Variants in NAALADL2 observed in about 807,000 individuals in gnomAD.
NAALADL2 encodes the protein N-acetylated alpha-linked acidic dipeptidase like 2, also known as inactive N-acetylated-alpha-linked acidic dipeptidase-like protein 2.
NAALADL2 carries 76 observed loss-of-function variants against 87.2 expected under a neutral mutation model. That is an observed-to-expected ratio of 0.87 (90% CI 0.72 to 1.05). The LOEUF (loss-of-function observed/expected upper bound fraction) is 1.05. Ranked by LOEUF, NAALADL2 falls within the 50% of genes least tolerant of loss-of-function variation. The probability of loss-of-function intolerance (pLI) is 0.00; values close to 1 mark genes in which losing one functional copy is unlikely to be tolerated. For synonymous variants in NAALADL2, 354 were observed against 331.0 expected (o/e 1.07, Z -0.75); for missense variants, 1,089 against 945.8 (o/e 1.15, Z -1.99).
At chr3:175,243,712 G>T (rs1338257167) in intron 3 of NAALADL2, among the ~76,000 whole-genome samples, 4 of 151,854 alleles carry the variant, frequency 2.6e-5, no homozygotes, top group Non-Finnish European at 4.4e-5. Flanking sequence ...AGTGTGCTCA[G>T]TGCCCACTTC....
At chr3:175,500,189 A>G (rs1426442410) in intron 9 of NAALADL2, among the ~76,000 whole-genome samples, 1 of 152,102 alleles carries the variant, frequency 6.6e-6, no homozygotes, top group Non-Finnish European at 1.5e-5. Context: ...GCATACATAC[A>G]TAACTCTAAT....
intron 5 of NAALADL2, among the ~76,000 whole-genome samples, chr3:175,352,768 A>C (rs965043486): frequency 6.6e-6 from 1 of 152,170 alleles, no homozygotes; most frequent in East Asian, 1.9e-4. Context: ...TTTAAAAGAA[A>C]ATAATGTTTT....
chr3:175,627,310 A>C lies in NAALADL2; in HGVS notation c.1820A>C (p.Glu607Ala). Residue 607 changes from glutamate to alanine, a missense_variant, in exon 11 of 14, where the codon GAG becomes GCG. Glu to Ala is a moderately radical substitution (Grantham distance 107, BLOSUM62 -1). Transcript: ENST00000454872. ...KTLEGPSFLSEARFSTRATKI... is the reference protein window; with the variant it reads ...KTLEGPSFLSAARFSTRATKI... ...CCGCAGGGTCCAAGTTTTCTCTCCG[A>C]GGCCCGTTTTTCTACACGAGCAACA... 1 of 1,568,432 alleles carries C rather than the reference A, an allele frequency of 6.4e-7. No homozygotes were observed. Among genetic ancestry groups the C allele is most frequent in the Non-Finnish European group, 8.7e-7 (1 of 1,154,202 alleles).
chr3:175,208,563 C>T (rs926173832), intron 2 of NAALADL2, among the ~76,000 whole-genome samples: 2 of 152,062 alleles, frequency 1.3e-5, no homozygotes, highest in African/African-American at 4.8e-5. Flanking sequence ...AACTCTGTTA[C>T]GAAGTGGATT....
At chr3:174,685,340 A>G (rs1310107912) in intron 2 of NAALADL2, among the ~76,000 whole-genome samples, 4 of 152,098 alleles carry the variant, frequency 2.6e-5, no homozygotes, top group Non-Finnish European at 5.9e-5. Context: ...CCCACAATCT[A>G]CAAGCAATCT....
intron 3 of NAALADL2, among the ~76,000 whole-genome samples, chr3:174,802,224 A>C (rs1718930692): frequency 6.6e-6 from 1 of 152,144 alleles, no homozygotes; most frequent in Non-Finnish European, 1.5e-5. Context: ...CAATGTAAAC[A>C]AAACCAGCAT....
chr3:175,311,306 A>G (rs150505015), intron 4 of NAALADL2, among the ~76,000 whole-genome samples: 42 of 152,094 alleles, frequency 2.8e-4, no homozygotes, highest in South Asian at 1.2e-3. Context: ...TATGAATTTA[A>G]AAAAGAAATC....
intron 1 of NAALADL2, among the ~76,000 whole-genome samples, chr3:175,032,739 C>T (rs1187718689): frequency 1.3e-5 from 2 of 152,004 alleles, no homozygotes; most frequent in African/African-American, 4.8e-5. Flanking sequence ...CAACTATTCT[C>T]TAATTCCATA....
At chr3:175,526,552 G>A (rs1733437712) in intron 9 of NAALADL2, among the ~76,000 whole-genome samples, 1 of 151,472 alleles carries the variant, frequency 6.6e-6, no homozygotes, top group South Asian at 2.1e-4. Flanking sequence ...GTCAAAGTGT[G>A]TTTACGTATT....
At chr3:174,508,081 G>A (rs979460247) in intron 1 of NAALADL2, among the ~76,000 whole-genome samples, 12 of 132,622 alleles carry the variant, frequency 9.0e-5, no homozygotes, top group Non-Finnish European at 1.8e-4. Context: ...AGTATGGCCA[G>A]TTTTTTAAAT....
chr3:174,719,037 A>C (rs1019213579), intron 2 of NAALADL2, among the ~76,000 whole-genome samples: 1 of 152,202 alleles, frequency 6.6e-6, no homozygotes, highest in Non-Finnish European at 1.5e-5. Context: ...CTCTGATGTT[A>C]TCACTCCATA....
At chr3:174,848,974 C>G (rs1724938862) in intron 3 of NAALADL2, among the ~76,000 whole-genome samples, 1 of 152,050 alleles carries the variant, frequency 6.6e-6, no homozygotes, top group Admixed American at 6.6e-5. Flanking sequence ...GCAATTGGAA[C>G]ACGATGGTAA....
At chr3:174,807,397 C>T (rs968997897) in intron 3 of NAALADL2, among the ~76,000 whole-genome samples, 1 of 152,052 alleles carries the variant, frequency 6.6e-6, no homozygotes, top group Admixed American at 6.6e-5. Flanking sequence ...TAGCCGTGTC[C>T]AAGTGGAAGT....
chr3:175,320,837 A>G (rs2110394141), intron 4 of NAALADL2, among the ~76,000 whole-genome samples: 1 of 151,284 alleles, frequency 6.6e-6, no homozygotes, highest in East Asian at 2.0e-4. Context: ...AATTGTGGCA[A>G]TAATCAATAG....
rs11921752 is a variant in NAALADL2, at chr3:175,107,511, T to C, written c.545+10220T>C. Among the ~76,000 whole-genome samples the C allele has an allele frequency of 3.3e-3, 393 of 117,370 alleles. 2 individuals carry two copies. Among genetic ancestry groups the C allele is most frequent in the African/African-American group, 7.8e-3 (251 of 32,042 alleles). 77.0% of individuals were successfully genotyped at this position (117,370 alleles called of 152,430 possible). On this transcript the variant is annotated intron_variant, in intron 2 of 13. Coordinates refer to ENST00000454872, the MANE Select transcript of NAALADL2 (RefSeq NM_207015.3). ...TCATACACAAGCACGAACACACACATACACACACACACACACACACACAAA... is the reference window on the plus strand; with the variant it reads ...TCATACACAAGCACGAACACACACACACACACACACACACACACACACAAA...
intron 1 of NAALADL2, among the ~76,000 whole-genome samples, chr3:174,916,565 C>T (rs1050523516): frequency 5.9e-5 from 9 of 152,114 alleles, no homozygotes; most frequent in African/African-American, 2.2e-4. Context: ...TCTTTTTCAG[C>T]AACTTGGATG....
chr3:175,309,091 GA>G (rs1428578520), intron 4 of NAALADL2, among the ~76,000 whole-genome samples: 3 of 152,158 alleles, frequency 2.0e-5, no homozygotes, highest in Non-Finnish European at 2.9e-5. Flanking sequence ...ACATCTCTGT[GA>G]AATAGATCCC....
chr3:174,852,199 T>C (rs74362721), intron 3 of NAALADL2, among the ~76,000 whole-genome samples: 4,092 of 152,116 alleles, frequency 0.027, 177 homozygotes, highest in African/African-American at 0.094. Context: ...TTTATTTCAC[T>C]TAGTAGTGGA....
At chr3:174,696,508 T>C (rs1396803928) in intron 2 of NAALADL2, among the ~76,000 whole-genome samples, 1 of 151,218 alleles carries the variant, frequency 6.6e-6, no homozygotes, top group East Asian at 1.9e-4. Flanking sequence ...CTGATACTGC[T>C]ATCATTTATT....
Sources: gnomAD v4.1 joint callset for allele counts (sites outside exome capture counted in the v4.1 genomes callset) on GRCh38, gnomAD v4.1.1 for gene constraint, MANE v1.5 for transcripts, NCBI Gene and HGNC (gene_info 2026-07-23, HGNC 2026-07-21) for gene names.